The following SLC27A2 variants were observed in gnomAD, a reference collection of about 807,000 sequenced individuals.
SLC27A2 encodes the protein solute carrier family 27 member 2.
SLC27A2 carries 54 observed loss-of-function variants against 60.0 expected under a neutral mutation model. The ratio of observed to expected loss-of-function variants is 0.90; its 90% CI spans 0.72 to 1.13. SLC27A2 has a LOEUF of 1.13. Among genes scored for constraint, SLC27A2 ranks in the 50% most tolerant of loss-of-function variants. The pLI, the probability that SLC27A2 is intolerant of heterozygous loss-of-function variation, is 0.00. For missense variants in SLC27A2, 739 were observed against 777.6 expected (o/e 0.95, Z 0.59); for synonymous variants, 297 against 297.6 (o/e 1.00, Z 0.02).
At chr15:50,198,770 A>G (rs2045043276) in intron 2 of SLC27A2, among the ~76,000 whole-genome samples, 1 of 152,222 alleles carries the variant, frequency 6.6e-6, no homozygotes, top group South Asian at 2.1e-4. Context: ...TTAAGCAGGT[A>G]ATACAGGTCT....
At position 50,205,596 on chromosome 15, in the gene SLC27A2, A is replaced by G. The variant is rs28399953; in HGVS notation, c.972+233A>G. Among the ~76,000 whole-genome samples the G allele has an allele frequency of 3.9e-3, 587 of 152,198 alleles. 1 individual carries two copies. The highest frequency in any genetic ancestry group is 0.013 in the African/African-American group (552 of 41,506). On this transcript the variant is annotated intron_variant, in intron 4 of 9. Coordinates refer to ENST00000267842, the MANE Select transcript of SLC27A2 (RefSeq NM_003645.4). ...TTCCTGCCTTTTTACTTGTTTTCAC[A>G]TCTTACTCCCCACCTAGCATATCCT... is the stretch of plus-strand genomic sequence containing the variant.
chr15:50,232,632 C>T (rs560119573), intron 8 of SLC27A2, among the ~76,000 whole-genome samples: 1 of 152,058 alleles, frequency 6.6e-6, no homozygotes, highest in South Asian at 2.1e-4. Flanking sequence ...GTAGGTCCAG[C>T]GTCGCTACTA....
intron 4 of SLC27A2, 76 bp downstream of exon 4, chr15:50,205,439 C>A: frequency 6.9e-7 from 1 of 1,446,946 alleles, no homozygotes; most frequent in Non-Finnish European, 9.5e-7. Flanking sequence ...TTGTGCTAGG[C>A]TTCAACTGAT....
chr15:50,236,193 A>T lies in SLC27A2; in HGVS notation c.*97A>T. Reference sequence around the variant, plus strand: ...TTAATTTGATTGAAGATTGTGAGGAAATTTTGTAGGAAATTTGCATACCCG... The same window carrying T: ...TTAATTTGATTGAAGATTGTGAGGATATTTTGTAGGAAATTTGCATACCCG... On this transcript the variant is annotated 3_prime_UTR_variant, in exon 10 of 10. Transcript: ENST00000267842. 1 of 1,125,194 alleles carries T rather than the reference A, an allele frequency of 8.9e-7. No individual in the cohort carries two copies. Among genetic ancestry groups the T allele is most frequent in the Non-Finnish European group, 1.2e-6 (1 of 811,168 alleles). 69.7% of individuals were successfully genotyped at this position (1,125,194 alleles called of 1,614,324 possible). A position where few individuals can be genotyped will look rare whatever the true frequency, so the allele number is the denominator to read the frequency against.
chr15:50,227,884 G>C (rs2045288691), intron 7 of SLC27A2, among the ~76,000 whole-genome samples: 1 of 152,190 alleles, frequency 6.6e-6, no homozygotes, highest in Non-Finnish European at 1.5e-5. Context: ...GGTGGAATGA[G>C]GAGAACCAGG....
chr15:50,226,938 G>T, intron 6 of SLC27A2, 42 bp from the exon 7 acceptor site: 2 of 1,531,422 alleles, frequency 1.3e-6, no homozygotes, highest in South Asian at 2.4e-5. Context: ...GTATAAATTT[G>T]ACCTCTAGCA....
chr15:50,204,015 A>C (rs2045087657), intron 3 of SLC27A2, among the ~76,000 whole-genome samples: 1 of 152,124 alleles, frequency 6.6e-6, no homozygotes. Flanking sequence ...CAGCTCAAAC[A>C]CACACACATA....
chr15:50,199,114 C>T (rs776922058), intron 2 of SLC27A2, among the ~76,000 whole-genome samples: 1 of 151,932 alleles, frequency 6.6e-6, no homozygotes, highest in Non-Finnish European at 1.5e-5. Context: ...TGCAGACACT[C>T]CCTTAACATA....
At chr15:50,203,683 A>AT (rs2140902812) in intron 3 of SLC27A2, among the ~76,000 whole-genome samples, 1 of 152,262 alleles carries the variant, frequency 6.6e-6, no homozygotes, top group South Asian at 2.1e-4. Flanking sequence ...TTATGGATGG[A>AT]TATTTGTGTC....
intron 5 of SLC27A2, among the ~76,000 whole-genome samples, chr15:50,225,159 T>A (rs1157163256): frequency 1.3e-5 from 2 of 152,244 alleles, no homozygotes; most frequent in African/African-American, 2.4e-5. Flanking sequence ...TGTCTGCTAA[T>A]ACTAAAGCAT....
chr15:50,203,019 A>AT lies in SLC27A2; in HGVS notation c.847+374_847+375insT, dbSNP rs1567430516. On this transcript the variant is annotated intron_variant, in intron 3 of 9. Coordinates refer to ENST00000267842, the MANE Select transcript of SLC27A2 (RefSeq NM_003645.4). ...ACATAGCAAACCTCATCTCTAAAAAAAATATATATATATATATATATAGCC... is the reference window on the plus strand; with the variant it reads ...ACATAGCAAACCTCATCTCTAAAAAATAATATATATATATATATATATAGCC... 6.2e-5 allele frequency among the ~76,000 whole-genome samples: 9 copies of AT among 146,090 alleles called. No individual in the cohort carries two copies. In the East Asian group the frequency reaches 1.8e-3, roughly 29 times the overall value.
intron 1 of SLC27A2, among the ~76,000 whole-genome samples, chr15:50,183,510 C>T (rs2554884): frequency 0.85 from 129,065 of 152,158 alleles, 55,487 homozygotes; most frequent in East Asian, 0.95. Flanking sequence ...GGAGAAGATA[C>T]TGGGGATCTG....
intron 4 of SLC27A2, among the ~76,000 whole-genome samples, chr15:50,214,750 A>C (rs2045182765): frequency 6.6e-6 from 1 of 152,176 alleles, no homozygotes; most frequent in Admixed American, 6.5e-5. Context: ...AAAAGCATTC[A>C]ACAAAATCCA....
At chr15:50,217,995 A>G (rs1196639345) in intron 4 of SLC27A2, among the ~76,000 whole-genome samples, 1 of 143,892 alleles carries the variant, frequency 6.9e-6, no homozygotes, top group Non-Finnish European at 1.5e-5. Flanking sequence ...CAGAGGTTGC[A>G]TCGAGCCGAG....
intron 4 of SLC27A2, among the ~76,000 whole-genome samples, chr15:50,221,502 T>C (rs2045241655): frequency 6.6e-6 from 1 of 152,196 alleles, no homozygotes; most frequent in South Asian, 2.1e-4. Context: ...GCGCCTTAGC[T>C]CCTCCTGCAT....
intron 1 of SLC27A2, among the ~76,000 whole-genome samples, chr15:50,184,297 T>C (rs2044901097): frequency 6.6e-6 from 1 of 152,000 alleles, no homozygotes; most frequent in Non-Finnish European, 1.5e-5. Flanking sequence ...CCAGCCTCTT[T>C]CCTACATCTT....
chr15:50,192,812 T>C (rs1398345301), intron 1 of SLC27A2, among the ~76,000 whole-genome samples: 1 of 133,810 alleles, frequency 7.5e-6, no homozygotes, highest in African/African-American at 2.7e-5. Context: ...GAAGAAGAAG[T>C]ACAGAAAAAC....
In SLC27A2 at chr15:50,221,204, AAG is replaced by A. The variant is rs912184893; in HGVS notation, c.973-1751_973-1750del. Among the ~76,000 whole-genome samples the A allele has an allele frequency of 5.9e-5, 9 of 151,902 alleles. No individual in the cohort carries two copies. The East Asian group carries it at 1.5e-3, about 26-fold the overall frequency. On this transcript the variant is annotated intron_variant, in intron 4 of 9. Coordinates refer to ENST00000267842, the MANE Select transcript of SLC27A2 (RefSeq NM_003645.4). The stretch of plus-strand genomic sequence containing the variant: ...AGCAAGACCCTGTCTCGAAAAAAAA[AAG>A]AGAGAGAGAAAATAGATTCCTACTC...
intron 1 of SLC27A2, among the ~76,000 whole-genome samples, chr15:50,185,311 G>A (rs905875079): frequency 3.3e-5 from 5 of 152,062 alleles, no homozygotes; most frequent in Admixed American, 6.5e-5. Context: ...TGGACCTAAG[G>A]CACTCTCTGG....
Sources: allele counts gnomAD v4.1 joint callset (sites outside exome capture counted in the v4.1 genomes callset), GRCh38; gene constraint gnomAD v4.1.1; transcripts MANE v1.5; gene names NCBI Gene and HGNC (gene_info 2026-07-23, HGNC 2026-07-21).